Variants in SH3RF3 observed in about 807,000 individuals in gnomAD.
SH3RF3 encodes the protein E3 ubiquitin-protein ligase SH3RF3.
A neutral mutation model predicts 66.3 loss-of-function variants in SH3RF3; 29 were observed. The ratio of observed to expected loss-of-function variants is 0.44; its 90% CI spans 0.33 to 0.60. The LOEUF is 0.60. SH3RF3 is among the 20% of genes least tolerant of loss of function. The pLI, the probability that SH3RF3 is intolerant of heterozygous loss-of-function variation, is 0.04. For synonymous variants in SH3RF3, 583 were observed against 532.0 expected (o/e 1.10, Z -1.32); for missense variants, 1,194 against 1,190.9 (o/e 1.00, Z -0.04).
At chr2:109,395,272 G>A (rs546942408) in intron 3 of SH3RF3, among the ~76,000 whole-genome samples, 1 of 152,278 alleles carries the variant, frequency 6.6e-6, no homozygotes, top group African/African-American at 2.4e-5. Context: ...GCCTGTTGAG[G>A]CCCTTCGGGT....
intron 3 of SH3RF3, among the ~76,000 whole-genome samples, chr2:109,390,882 C>G (rs1675971007): frequency 6.6e-6 from 1 of 152,172 alleles, no homozygotes. Context: ...CCCCTGAATT[C>G]TCTAGAGGGT....
chr2:109,477,777 C>T (rs529688408), intron 8 of SH3RF3, among the ~76,000 whole-genome samples: 1 of 152,280 alleles, frequency 6.6e-6, no homozygotes, highest in Admixed American at 6.5e-5. Context: ...CTCACCGTGT[C>T]CTCACGTGGT....
intron 8 of SH3RF3, among the ~76,000 whole-genome samples, chr2:109,471,433 T>G (rs1678504991): frequency 6.6e-6 from 1 of 152,060 alleles, no homozygotes; most frequent in Admixed American, 6.6e-5. Context: ...TCATGAGAAC[T>G]CACTCACTAT....
rs1275226775 is a variant in SH3RF3, at chr2:109,129,443, G to A, written c.-98G>A. ...CCGGGGTGAAGAAAGTCACGGCGGA[G>A]CCCGGCTCCCCAGTCCTGATGCTGG... On this transcript the variant is annotated 5_prime_UTR_variant, in exon 1 of 10. Coordinates refer to ENST00000309415, the MANE Select transcript of SH3RF3 (RefSeq NM_001099289.3). The A allele has an allele frequency of 6.7e-7, 1 of 1,491,018 alleles. No homozygotes were observed. The allele number at this position is 1,491,018 out of a possible 1,614,324, so 92.4% of individuals were successfully genotyped here. A position where few individuals can be genotyped will look rare whatever the true frequency, so the allele number is the denominator to read the frequency against.
intron 1 of SH3RF3, among the ~76,000 whole-genome samples, chr2:109,274,833 T>A (rs1680714935): frequency 6.6e-6 from 1 of 152,036 alleles, no homozygotes; most frequent in South Asian, 2.1e-4. Context: ...ATTTATACTG[T>A]AATATTTGTA....
intron 1 of SH3RF3, among the ~76,000 whole-genome samples, chr2:109,174,238 A>G (rs1677866921): frequency 6.6e-6 from 1 of 152,228 alleles, no homozygotes. Context: ...TGGACATCAC[A>G]GTTTTATCTA....
intron 1 of SH3RF3, among the ~76,000 whole-genome samples, chr2:109,279,689 G>A (rs192691305): frequency 9.7e-4 from 147 of 152,330 alleles, no homozygotes; most frequent in African/African-American, 3.2e-3. Context: ...GGAATTTCCT[G>A]CTTTTGCAGC....
At chr2:109,357,478 G>T (rs1027346061) in intron 2 of SH3RF3, among the ~76,000 whole-genome samples, 6 of 152,212 alleles carry the variant, frequency 3.9e-5, no homozygotes, top group African/African-American at 1.4e-4. Flanking sequence ...ACCGCACCCG[G>T]CCAACAGAAT....
intron 1 of SH3RF3, among the ~76,000 whole-genome samples, chr2:109,346,956 G>C (rs113727177): frequency 2.0e-5 from 3 of 152,290 alleles, no homozygotes; most frequent in African/African-American, 7.2e-5. Flanking sequence ...GGGACTGCTT[G>C]TTAGAACCCC....
At chr2:109,487,831 G>C (rs1414290599) in intron 8 of SH3RF3, among the ~76,000 whole-genome samples, 1 of 152,188 alleles carries the variant, frequency 6.6e-6, no homozygotes, top group East Asian at 1.9e-4. Context: ...AGTTCATTCA[G>C]CAAACAAGTG....
At chr2:109,348,256 G>A (rs2105563836) in intron 2 of SH3RF3, among the ~76,000 whole-genome samples, 1 of 152,340 alleles carries the variant, frequency 6.6e-6, no homozygotes, top group East Asian at 1.9e-4. Flanking sequence ...GTTAACCTGA[G>A]TCATGGCTCT....
chr2:109,349,907 C>T (rs921194704), intron 2 of SH3RF3, among the ~76,000 whole-genome samples: 4 of 152,254 alleles, frequency 2.6e-5, no homozygotes, highest in African/African-American at 9.6e-5. Context: ...GGCACCTGCC[C>T]ATTTATTCCA....
At chr2:109,352,684 T>G (rs1485767228) in intron 2 of SH3RF3, among the ~76,000 whole-genome samples, 1 of 152,178 alleles carries the variant, frequency 6.6e-6, no homozygotes, top group East Asian at 1.9e-4. Context: ...CCAGTTCTCC[T>G]TTTTGGCTCC....
intron 1 of SH3RF3, among the ~76,000 whole-genome samples, chr2:109,315,537 T>A (rs1681857739): frequency 6.6e-6 from 1 of 152,226 alleles, no homozygotes. Context: ...CATCCGTTTT[T>A]GGTGTAAGCA....
rs534279411 is a variant in SH3RF3 at position 109,159,265 on chromosome 2, A to G, written c.573+29152A>G. Among the ~76,000 whole-genome samples the G allele has an allele frequency of 5.3e-5, 8 of 152,250 alleles. No homozygotes were observed. The South Asian group carries it at 1.7e-3, about 32-fold the overall frequency. On this transcript the variant is annotated intron_variant, in intron 1 of 9. Transcript: ENST00000309415. ...CTGCTGGCCTTCCTGCATGGGCTCT[A>G]TCCCGGCGCAGCTGCCTCTCTCTCA...
At chr2:109,143,403 A>C (rs1677013348) in intron 1 of SH3RF3, among the ~76,000 whole-genome samples, 1 of 152,192 alleles carries the variant, frequency 6.6e-6, no homozygotes. Context: ...TCACAGGGCC[A>C]ATATCTGAAA....
chr2:109,385,641 G>T (rs1461670644), intron 3 of SH3RF3, among the ~76,000 whole-genome samples: 1 of 152,216 alleles, frequency 6.6e-6, no homozygotes, highest in African/African-American at 2.4e-5. Context: ...AGAGCCTGAG[G>T]TCAGCTGCTT....
intron 4 of SH3RF3, among the ~76,000 whole-genome samples, chr2:109,404,071 C>T (rs550669806): frequency 6.6e-6 from 1 of 152,154 alleles, no homozygotes; most frequent in Non-Finnish European, 1.5e-5. Flanking sequence ...TCCAGGAGCC[C>T]ATCTCTGGCT....
At chr2:109,292,461 A>T (rs189605039) in intron 1 of SH3RF3, among the ~76,000 whole-genome samples, 43 of 152,358 alleles carry the variant, frequency 2.8e-4, no homozygotes, top group African/African-American at 1.0e-3. Context: ...AGGATATTTC[A>T]TAGCTGTGGA....
Sources: allele counts gnomAD v4.1 joint callset (sites outside exome capture counted in the v4.1 genomes callset), GRCh38; gene constraint gnomAD v4.1.1; transcripts MANE v1.5; gene names NCBI Gene and HGNC (gene_info 2026-07-23, HGNC 2026-07-21).